Variants in EBF4 observed in about 807,000 individuals in gnomAD.
EBF4 encodes EBF transcription factor 4, also known as transcription factor COE4.
Under a neutral mutation model 67.1 loss-of-function variants are expected in EBF4, and 34 were observed. The observed-to-expected ratio is 0.51, with a 90% CI of 0.39 to 0.67. EBF4 has a LOEUF of 0.67. Ranked by LOEUF, EBF4 falls within the 30% of genes least tolerant of loss-of-function variation. The pLI, the probability that EBF4 is intolerant of heterozygous loss-of-function variation, is 0.00. For missense variants in EBF4, 837 were observed against 873.3 expected (o/e 0.96, Z 0.52); for synonymous variants, 387 against 377.7 (o/e 1.02, Z -0.29).
In EBF4 at chr20:2,750,421, A is replaced by G. The variant is rs111818812; in HGVS notation, c.1018+448A>G. Reference sequence around the variant, plus strand: ...CAGGCCTCACTCTGCATGTACACGCACACACACGTGCGTACATACACACCC... The same window carrying G: ...CAGGCCTCACTCTGCATGTACACGCGCACACACGTGCGTACATACACACCC... On this transcript the variant is annotated intron_variant, in intron 10 of 16. Transcript: ENST00000609451. 6.4e-3 allele frequency among the ~76,000 whole-genome samples: 972 copies of G among 152,244 alleles called. 11 individuals are homozygous for G. Among genetic ancestry groups the G allele is most frequent in the African/African-American group, 0.022 (904 of 41,546 alleles).
intron 6 of EBF4, among the ~76,000 whole-genome samples, chr20:2,744,492 C>CTTTTTTTTTTTTTTTTTTTTTTT (rs35298353): frequency 8.6e-6 from 1 of 115,892 alleles, no homozygotes. Context: ...TTTTTCTTTT[C>CTTTTTTTTTTTTTTTTTTTTTTT]TTTTTTTTTT....
intron 6 of EBF4, among the ~76,000 whole-genome samples, chr20:2,732,251 G>A (rs1016958399): frequency 7.9e-5 from 12 of 152,214 alleles, no homozygotes; most frequent in Admixed American, 7.2e-4. Context: ...CCCCTGAGTA[G>A]CTGGGACTAC....
intron 1 of EBF4, among the ~76,000 whole-genome samples, chr20:2,697,469 C>T (rs1386165396): frequency 9.2e-5 from 14 of 151,424 alleles, no homozygotes; most frequent in Non-Finnish European, 1.3e-4. Flanking sequence ...GGCGTGAACC[C>T]GGGAGGCGGA....
intron 14 of EBF4, 30 bp downstream of exon 14, chr20:2,752,575 C>A (rs984178770): frequency 7.6e-5 from 93 of 1,230,488 alleles, no homozygotes; most frequent in Non-Finnish European, 8.9e-5. Flanking sequence ...GAGGGAAGGT[C>A]TGGGGCCGGG....
intron 7 of EBF4, 119 bp downstream of exon 7, chr20:2,748,749 T>C: frequency 8.6e-7 from 1 of 1,168,864 alleles, no homozygotes; most frequent in South Asian, 1.6e-5. Context: ...GGCAGATCTC[T>C]GCCCAGCCCT....
intron 6 of EBF4, among the ~76,000 whole-genome samples, chr20:2,743,677 T>C (rs1854515352): frequency 6.6e-6 from 1 of 152,062 alleles, no homozygotes; most frequent in Middle Eastern, 3.2e-3. Context: ...GATGGCCAAA[T>C]TAGATATAAA....
Position 2,752,430 on chromosome 20 carries a change from C to G in EBF4, c.1425C>G (p.Tyr475Ter). 2.3e-6 allele frequency: 3 copies of G among 1,298,228 alleles called. No homozygotes were observed. The highest frequency in any genetic ancestry group is 2.9e-6 in the Non-Finnish European group (3 of 1,024,628). The allele number at this position is 1,298,228 out of a possible 1,614,324, so 80.4% of individuals were successfully genotyped here. A position where few individuals can be genotyped will look rare whatever the true frequency, so the allele number is the denominator to read the frequency against. ...GCCCCGGCTCGCAGCAGAGCGGCTA[C>G]GGCGGCGGCCTCGGAGCTGGCCTGG... The change falls in exon 14 of 17, where the codon TAC becomes TAG. Residue 475 changes from tyrosine (Y) to a stop codon, truncating the protein, a stop_gained. Transcript: ENST00000609451. LOFTEE classifies it high-confidence loss of function.
At chr20:2,750,803 C>T (rs1310704637) in intron 10 of EBF4, among the ~76,000 whole-genome samples, 6 of 152,114 alleles carry the variant, frequency 3.9e-5, no homozygotes, top group Non-Finnish European at 7.4e-5. Context: ...CTGCTGAGCC[C>T]GGCTCAACCG....
intron 6 of EBF4, among the ~76,000 whole-genome samples, chr20:2,716,426 G>A (rs1376041784): frequency 1.3e-5 from 2 of 151,722 alleles, no homozygotes; most frequent in African/African-American, 4.8e-5. Context: ...CTACTCGGGA[G>A]GCTGAGGCAG....
chr20:2,708,073 G>T, intron 5 of EBF4, 53 bp downstream of exon 5: 1 of 1,551,808 alleles, frequency 6.4e-7, no homozygotes, highest in Non-Finnish European at 8.8e-7. Flanking sequence ...CGTTTCTGAG[G>T]ACTCTACCCA....
At chr20:2,752,421 G>A (rs2088168944) in exon 14 of EBF4, 3 of 1,297,958 alleles carry the variant, frequency 2.3e-6, no homozygotes, top group Non-Finnish European at 9.8e-7. Context: ...GCTCGCAGCA[G>A]AGCGGCTACG....
intron 1 of EBF4, among the ~76,000 whole-genome samples, chr20:2,694,788 T>C (rs1405871301): frequency 6.6e-6 from 1 of 152,084 alleles, no homozygotes; most frequent in African/African-American, 2.4e-5. Context: ...AACCTCACCG[T>C]GTAACAGACA....
intron 10 of EBF4, among the ~76,000 whole-genome samples, chr20:2,750,824 G>T (rs1238480932): frequency 6.6e-6 from 1 of 152,224 alleles, no homozygotes; most frequent in Non-Finnish European, 1.5e-5. Context: ...AAACCCGAGG[G>T]CTGAGTGGGG....
rs1275075034 is a variant in EBF4 at position 2,693,785 on chromosome 20, A to G, written c.137+3A>G. On this transcript the variant is annotated splice_donor_region_variant and intron_variant, in intron 1 of 16. Coordinates refer to ENST00000609451, the Ensembl canonical transcript of EBF4. The surrounding 1 kb of genome is among the most constrained non-coding windows in gnomAD (Gnocchi z 4.6). ...GACGCCAGCACCGCGGCGCAGAGGT[A>G]AGCGCTCGGACCGGACCCGGTGCGC... The G allele has an allele frequency of 1.5e-6, 2 of 1,313,302 alleles. No individual in the cohort carries two copies. The highest frequency in any genetic ancestry group is 2.0e-5 in the South Asian group (1 of 50,084). 81.4% of individuals were successfully genotyped at this position (1,313,302 alleles called of 1,614,324 possible).
intron 6 of EBF4, among the ~76,000 whole-genome samples, chr20:2,715,607 A>G (rs942133333): frequency 2.0e-4 from 30 of 152,364 alleles, no homozygotes; most frequent in African/African-American, 6.5e-4. Context: ...CTATCGCTCC[A>G]CATCCTCACC....
rs566130349 is a variant in EBF4, at chr20:2,730,210, G to A, written c.558-18339G>A. Among the ~76,000 whole-genome samples, 9 of 152,276 alleles carry A rather than the reference G, an allele frequency of 5.9e-5. 1 individual carries two copies. In the South Asian group the frequency reaches 1.9e-3, roughly 32 times the overall value. On this transcript the variant is annotated intron_variant, in intron 6 of 16. Coordinates refer to ENST00000609451, the Ensembl canonical transcript of EBF4. ...TGTTAATTATCTCCCCATTCTGGAG[G>A]CCAAGTCTAAAAGCAAGGTGTTGGC...
intron 6 of EBF4, among the ~76,000 whole-genome samples, chr20:2,740,273 A>G (rs2087947958): frequency 6.6e-6 from 1 of 152,186 alleles, no homozygotes; most frequent in Admixed American, 6.5e-5. Flanking sequence ...AGATCACGCC[A>G]CTGCACTCCA....
At chr20:2,722,913 C>A (rs1030569898) in intron 6 of EBF4, among the ~76,000 whole-genome samples, 2 of 152,134 alleles carry the variant, frequency 1.3e-5, no homozygotes, top group African/African-American at 2.4e-5. Flanking sequence ...CTAACCTAAT[C>A]GTGTGTCTTA....
At chr20:2,723,076 A>G (rs2087703229) in intron 6 of EBF4, among the ~76,000 whole-genome samples, 2 of 152,180 alleles carry the variant, frequency 1.3e-5, no homozygotes, top group South Asian at 2.1e-4. Context: ...TGTTCCATCA[A>G]TTTTTGACAC....
Sources: allele counts gnomAD v4.1 joint callset (sites outside exome capture counted in the v4.1 genomes callset), GRCh38; gene constraint gnomAD v4.1.1; non-coding constraint Gnocchi (gnomAD v3.1); transcripts MANE v1.5; gene names NCBI Gene and HGNC (gene_info 2026-07-23, HGNC 2026-07-21).